The following ZNF606 variants were observed in gnomAD, a reference collection of about 807,000 sequenced individuals.
ZNF606 encodes zinc finger protein 606.
A neutral mutation model predicts 74.9 loss-of-function variants in ZNF606; 37 were observed. The ratio of observed to expected loss-of-function variants is 0.49; its 90% CI spans 0.38 to 0.65. ZNF606 has a LOEUF of 0.65. ZNF606 is among the 30% of genes least tolerant of loss of function. ZNF606 has a pLI of 0.00. For synonymous variants in ZNF606, 328 were observed against 312.4 expected, an observed-to-expected ratio of 1.05 and a Z score of -0.53; for missense variants, 852 against 952.9, an observed-to-expected ratio of 0.89 and a Z score of 1.39.
intron 6 of ZNF606, among the ~76,000 whole-genome samples, chr19:57,986,032 C>T (rs1393634258): frequency 1.3e-5 from 2 of 152,030 alleles, no homozygotes; most frequent in African/African-American, 2.4e-5. Flanking sequence ...ATAAGATTAA[C>T]AGCTTGTTTC....
At chr19:57,989,026 C>T (rs2073210360) in intron 4 of ZNF606, among the ~76,000 whole-genome samples, 1 of 152,154 alleles carries the variant, frequency 6.6e-6, no homozygotes, top group Non-Finnish European at 1.5e-5. Flanking sequence ...TGGCAACACC[C>T]CTCTTCTGGA....
Position 57,979,428 on chromosome 19 carries a change from G to A in ZNF606, c.1252C>T (p.His418Tyr). ...TTTTCTCCAGTATGAGTTTTCTTAT[G>A]TTGAATAAGGTAAGAGCTCCAGATG... ...SFIWSSYLIQ[H>Y]KKTHTGEKPY... The change falls in exon 7 of 7, where the codon CAT (histidine) becomes TAT (tyrosine). Residue 418 changes from histidine to tyrosine, a missense_variant. His to Tyr is a moderately conservative substitution (Grantham distance 83). Transcript: ENST00000551380. The A allele has an allele frequency of 2.5e-6, 4 of 1,613,930 alleles. No individual in the cohort carries two copies. Among genetic ancestry groups the A allele is most frequent in the Non-Finnish European group, 3.4e-6 (4 of 1,179,964 alleles).
intron 4 of ZNF606, among the ~76,000 whole-genome samples, chr19:57,994,309 C>T (rs970663568): frequency 1.3e-5 from 2 of 151,792 alleles, no homozygotes; most frequent in South Asian, 2.1e-4. Flanking sequence ...ATCAGAGACA[C>T]GGCAATTTGT....
chr19:58,002,880 GC>G (rs1475310189), upstream of ZNF606: 2 of 432,262 alleles, frequency 4.6e-6, no homozygotes, highest in African/African-American at 4.1e-5. Context: ...CCGGCGTCGG[GC>G]AGCGGCGCCG....
intron 4 of ZNF606, among the ~76,000 whole-genome samples, chr19:57,993,094 A>G (rs941111094): frequency 2.6e-5 from 4 of 152,102 alleles, no homozygotes; most frequent in Admixed American, 6.5e-5. Flanking sequence ...AGAGTGATGT[A>G]CTTTGCAGAT....
At chr19:57,982,259 C>T (rs2073095537) in intron 6 of ZNF606, among the ~76,000 whole-genome samples, 1 of 152,142 alleles carries the variant, frequency 6.6e-6, no homozygotes, top group African/African-American at 2.4e-5. Context: ...GCTCCTTCCT[C>T]CATCTGCAAA....
At position 58,002,746 on chromosome 19, in the gene ZNF606, T is replaced by A. The variant is rs776565146; in HGVS notation, c.-402A>T. On this transcript the variant is annotated 5_prime_UTR_variant, in exon 1 of 7. Transcript: ENST00000551380. ...CTCCTGACCCCCCAAGCCCCGCAGC[T>A]ACGGCGGCCCCACAGCCTGAGCAAA... 1 of 453,984 alleles carries A rather than the reference T, an allele frequency of 2.2e-6. No individual in the cohort carries two copies. Among genetic ancestry groups the A allele is most frequent in the Admixed American group, 2.4e-5 (1 of 42,452 alleles). The allele number at this position is 453,984 out of a possible 1,614,324, so 28.1% of individuals were successfully genotyped here. A position where few individuals can be genotyped will look rare whatever the true frequency, so the allele number is the denominator to read the frequency against.
At chr19:57,988,002 T>C (rs1423648171) in intron 6 of ZNF606, among the ~76,000 whole-genome samples, 1 of 152,110 alleles carries the variant, frequency 6.6e-6, no homozygotes, top group Non-Finnish European at 1.5e-5. Flanking sequence ...ACAGGAGCCA[T>C]CAAGAGCCGA....
intron 4 of ZNF606, among the ~76,000 whole-genome samples, chr19:57,991,766 TG>T (rs2073264915): frequency 6.7e-6 from 1 of 149,284 alleles, no homozygotes; most frequent in Admixed American, 6.7e-5. Context: ...GGCGACAGAG[TG>T]AAACTCTGTC....
In ZNF606 at chr19:57,980,017, C is replaced by T; in HGVS notation, c.663G>A (p.Gln221=). 6.2e-7 allele frequency: 1 copy of T among 1,613,612 alleles called. No homozygotes were observed. The highest frequency in any genetic ancestry group is 8.5e-7 in the Non-Finnish European group (1 of 1,180,028). Residue 221 remains glutamine (Q), a synonymous_variant, in exon 7 of 7, where the codon CAG becomes CAA. Coordinates refer to ENST00000551380, the MANE Select transcript of ZNF606 (RefSeq NM_001348022.3). The part of the protein sequence containing the change: ...EFCGLGAEFS[Q]NLNFVPSQRV... ...TCTGAGATGGAACAAAGTTTAAGTTCTGGCTAAACTCTGCCCCAAGTCCAC... is the reference window on the plus strand; with the variant it reads ...TCTGAGATGGAACAAAGTTTAAGTTTTGGCTAAACTCTGCCCCAAGTCCAC...
In ZNF606 at chr19:58,000,685, C is replaced by A. The variant is rs768390804; in HGVS notation, c.86G>T (p.Trp29Leu). 1 of 1,613,748 alleles carries A rather than the reference C, an allele frequency of 6.2e-7. No homozygotes were observed. The highest frequency in any genetic ancestry group is 1.1e-5 in the South Asian group (1 of 90,948). ...GMTAVDPWAS[W>L]ALCPQYPAWH... ...AGCTGACCAGGCTCTTGACTCACCC[C>A]AGGAGGCCCATGGGTCAACAGCTGT... Residue 29 changes from tryptophan (W) to leucine (L), a missense_variant and splice_region_variant, in exon 3 of 7, where the codon TGG (tryptophan) becomes TTG (leucine). Transcript: ENST00000551380.
rs776208706 is a variant in ZNF606, at chr19:57,999,859, T to C, written c.126A>G (p.Gly42=). The part of the protein sequence containing the change: ...CPQYPAWHVE[G]SLEEGRRATG... ...TGGCCCTCCTCCCCTCCTCCAGGCT[T>C]CCCTCCACGTGCCAGGCAGGATACT... The change falls in exon 4 of 7, where the codon GGA becomes GGG. Residue 42 remains glycine, a synonymous_variant. Transcript: ENST00000551380. 6.2e-7 allele frequency: 1 copy of C among 1,613,918 alleles called. No individual in the cohort carries two copies. Among genetic ancestry groups the C allele is most frequent in the Admixed American group, 1.7e-5 (1 of 60,006 alleles).
intron 4 of ZNF606, among the ~76,000 whole-genome samples, chr19:57,991,356 G>A (rs2073256871): frequency 6.6e-6 from 1 of 152,164 alleles, no homozygotes; most frequent in South Asian, 2.1e-4. Flanking sequence ...GCAGCATTTG[G>A]AAGTGCTGGC....
intron 2 of ZNF606, among the ~76,000 whole-genome samples, 165 bp from the exon 3 acceptor site, chr19:58,000,904 C>T (rs2073416463): frequency 6.6e-6 from 1 of 152,168 alleles, no homozygotes; most frequent in African/African-American, 2.4e-5. Context: ...ACAGGCAATG[C>T]ACAGGTGAGT....
chr19:57,998,365 G>T (rs1185491052), intron 4 of ZNF606: 1 of 151,954 alleles, frequency 6.6e-6, no homozygotes, highest in Admixed American at 6.5e-5. Context: ...CATTTACATT[G>T]TAATTACATT....
chr19:57,978,827 T>C lies in ZNF606; in HGVS notation c.1853A>G (p.His618Arg), dbSNP rs1394890429. The change falls in exon 7 of 7, where the codon CAT becomes CGT. Residue 618 changes from histidine to arginine, a missense_variant. Around this residue, in one of 3 missense-constraint regions of ZNF606, gnomAD observed 243 missense variants for 359.2 expected, o/e 0.68. Coordinates refer to ENST00000551380, the MANE Select transcript of ZNF606 (RefSeq NM_001348022.3). This position sits in a 1 kb window ranked among gnomAD's most constrained non-coding sequence, Gnocchi z 4.4. ...RSALTKHEII[H>R]SGIKPYECNK... is the part of the protein sequence containing the mutation. ...ACATTCATAGGGCTTAATTCCAGAATGAATTATCTCATGTTTAGTGAGGGC... is the reference window on the plus strand; with the variant it reads ...ACATTCATAGGGCTTAATTCCAGAACGAATTATCTCATGTTTAGTGAGGGC... 2 of 1,614,226 alleles carry C rather than the reference T, an allele frequency of 1.2e-6. No individual in the cohort carries two copies. The highest frequency in any genetic ancestry group is 1.7e-6 in the Non-Finnish European group (2 of 1,180,030).
upstream of ZNF606, chr19:58,003,012 C>T (rs1171436355): frequency 6.7e-6 from 3 of 445,394 alleles, no homozygotes; most frequent in Non-Finnish European, 1.4e-5. Flanking sequence ...AGACCACCCT[C>T]CTCCACCGTC....
In ZNF606 at chr19:57,986,861, A is replaced by T. The variant is rs1322201975; in HGVS notation, c.400+1346T>A. On this transcript the variant is annotated intron_variant, in intron 6 of 6. Coordinates refer to ENST00000551380, the MANE Select transcript of ZNF606 (RefSeq NM_001348022.3). ...CACTTTGGGAGGCCAAGGCAGGAGG[A>T]TTGCTTGTGCACAGGAGTTCAAGAC... Among the ~76,000 whole-genome samples the T allele has an allele frequency of 3.9e-5, 6 of 152,148 alleles. 1 individual carries two copies. The highest frequency in any genetic ancestry group is 1.4e-4 in the African/African-American group (6 of 41,428).
In ZNF606 at chr19:58,002,799, G is replaced by C; in HGVS notation, c.-455C>G. ...CCTCACCTCAGCCGCGGACAATGGC[G>C]GCTGCTTCCCCGGCGTCGACCGGAG... On this transcript the variant is annotated 5_prime_UTR_variant, in exon 1 of 7. Transcript: ENST00000551380. 1 of 451,566 alleles carries C rather than the reference G, an allele frequency of 2.2e-6. No homozygotes were observed. Among genetic ancestry groups the C allele is most frequent in the Admixed American group, 2.4e-5 (1 of 41,838 alleles). The allele number at this position is 451,566 out of a possible 1,614,324, so 28.0% of individuals were successfully genotyped here.
Sources: gnomAD v4.1 joint callset for allele counts (sites outside exome capture counted in the v4.1 genomes callset) on GRCh38, gnomAD v4.1.1 for gene constraint, gnomAD v4.1.1 regional missense constraint, Gnocchi (gnomAD v3.1) non-coding constraint, MANE v1.5 for transcripts, NCBI Gene and HGNC (gene_info 2026-07-23, HGNC 2026-07-21) for gene names.